GRK5: variants seen among roughly 807,000 people sequenced by gnomAD.
The protein encoded by GRK5 is g protein-coupled receptor kinase GRK5.
GRK5 carries 40 observed loss-of-function variants against 78.4 expected under a neutral mutation model. The observed-to-expected ratio is 0.51, with a 90% CI of 0.40 to 0.66. The LOEUF (loss-of-function observed/expected upper bound fraction) is 0.66. Among genes scored for constraint, GRK5 ranks in the 30% least tolerant of loss-of-function variants. GRK5 has a pLI of 0.00. For missense variants in GRK5, 598 were observed against 759.9 expected, an observed-to-expected ratio of 0.79 and a Z score of 2.50; for synonymous variants, 289 against 296.8, an observed-to-expected ratio of 0.97 and a Z score of 0.27.
At chr10:119,252,197 G>A (rs562187449) in intron 1 of GRK5, among the ~76,000 whole-genome samples, 1 of 152,226 alleles carries the variant, frequency 6.6e-6, no homozygotes, top group Non-Finnish European at 1.5e-5. Context: ...GAAACCATCT[G>A]GGTGGGGTGA....
At position 119,256,485 on chromosome 10, in the gene GRK5, G is replaced by A. The variant is rs1464677063; in HGVS notation, c.52+48516G>A. Among the ~76,000 whole-genome samples the A allele has an allele frequency of 4.6e-5, 7 of 152,156 alleles. No homozygotes were observed. The East Asian group carries it at 1.3e-3, about 29-fold the overall frequency. On this transcript the variant is annotated intron_variant, in intron 1 of 15. Coordinates refer to ENST00000392870, the MANE Select transcript of GRK5 (RefSeq NM_005308.3). ...TAGGAAACTTGTTGGAGCTCACACA[G>A]CTGAGTAACAACCAGGCCCTGCTGC...
intron 1 of GRK5, among the ~76,000 whole-genome samples, chr10:119,320,168 G>T (rs527408211): frequency 6.6e-6 from 1 of 152,362 alleles, no homozygotes; most frequent in African/African-American, 2.4e-5. Context: ...GATTGGAGGG[G>T]CTGCCAGGTG....
At chr10:119,303,215 T>A (rs917010492) in intron 1 of GRK5, among the ~76,000 whole-genome samples, 1 of 152,188 alleles carries the variant, frequency 6.6e-6, no homozygotes, top group African/African-American at 2.4e-5. Context: ...CGAGATCATG[T>A]TATATCTGTA....
At position 119,459,715 on chromosome 10, in the gene GRK5, T is replaced by A. The variant is rs1414499043; in HGVS notation, c.*4648T>A. ...TAGATGGAGCCACTGTTGTTGTTTT[T>A]AAAAGAGAAATAAATTCCTTAATGG... On this transcript the variant is annotated 3_prime_UTR_variant, in exon 16 of 16. Transcript: ENST00000392870. The A allele has an allele frequency of 6.6e-6, 1 of 152,252 alleles. No homozygotes were observed. Among genetic ancestry groups the A allele is most frequent in the African/African-American group, 2.4e-5 (1 of 41,462 alleles). The allele number at this position is 152,252 out of a possible 1,614,324, so 9.4% of individuals were successfully genotyped here.
chr10:119,337,416 A>G (rs1305992999), intron 2 of GRK5, among the ~76,000 whole-genome samples: 1 of 152,168 alleles, frequency 6.6e-6, no homozygotes, highest in East Asian at 1.9e-4. Flanking sequence ...GGAGGCTGGA[A>G]GTCCAAGATC....
In GRK5 at chr10:119,237,690, G is replaced by C. The variant is rs547439240; in HGVS notation, c.52+29721G>C. Among the ~76,000 whole-genome samples, 193 of 152,286 alleles carry C rather than the reference G, an allele frequency of 1.3e-3. 1 individual carries two copies. Among genetic ancestry groups the C allele is most frequent in the African/African-American group, 4.4e-3 (184 of 41,546 alleles). ...CTTTCAACTTCAGGGAGCCGGAGAG[G>C]GGGAGGGAACTGAGGAGGGCAGGTC... On this transcript the variant is annotated intron_variant, in intron 1 of 15. Transcript: ENST00000392870.
chr10:119,321,002 A>G (rs763759594), intron 1 of GRK5, among the ~76,000 whole-genome samples: 1 of 152,262 alleles, frequency 6.6e-6, no homozygotes, highest in African/African-American at 2.4e-5. Context: ...ATCAAGTCCT[A>G]TGAAATAATA....
intron 1 of GRK5, among the ~76,000 whole-genome samples, chr10:119,319,819 C>G (rs1450812905): frequency 6.6e-6 from 1 of 152,240 alleles, no homozygotes; most frequent in African/African-American, 2.4e-5. Flanking sequence ...TCAGTACCTC[C>G]TGAATGAGGG....
At chr10:119,318,597 A>C (rs1041319425) in intron 1 of GRK5, among the ~76,000 whole-genome samples, 22 of 152,228 alleles carry the variant, frequency 1.4e-4, no homozygotes, top group African/African-American at 5.3e-4. Flanking sequence ...AGGTGATCAC[A>C]GGGCTCTGGG....
At chr10:119,227,604 C>T (rs1848762393) in intron 1 of GRK5, among the ~76,000 whole-genome samples, 1 of 152,022 alleles carries the variant, frequency 6.6e-6, no homozygotes, top group African/African-American at 2.4e-5. Context: ...AACAAACAAA[C>T]ATGGTAGCCT....
chr10:119,270,392 A>G (rs1019990102), intron 1 of GRK5, among the ~76,000 whole-genome samples: 1 of 152,238 alleles, frequency 6.6e-6, no homozygotes, highest in African/African-American at 2.4e-5. Flanking sequence ...TCCCTAAACA[A>G]TACGTTATAG....
At chr10:119,331,007 C>CT (rs763784978) in intron 2 of GRK5, among the ~76,000 whole-genome samples, 2 of 152,196 alleles carry the variant, frequency 1.3e-5, no homozygotes, top group South Asian at 4.1e-4. Flanking sequence ...AGGCATTGCC[C>CT]TGGGAGCACC....
intron 2 of GRK5, among the ~76,000 whole-genome samples, chr10:119,351,976 A>C (rs1361566405): frequency 2.0e-5 from 3 of 152,232 alleles, no homozygotes; most frequent in African/African-American, 7.2e-5. Context: ...ATCAAATTAA[A>C]AAGTGATCCT....
At chr10:119,255,896 C>T (rs895409623) in intron 1 of GRK5, among the ~76,000 whole-genome samples, 1 of 152,192 alleles carries the variant, frequency 6.6e-6, no homozygotes, top group African/African-American at 2.4e-5. Context: ...GCCCAGGGAA[C>T]AACCACTTGA....
At chr10:119,436,590 G>T in intron 8 of GRK5, 61 bp from the exon 9 acceptor site, 1 of 1,516,462 alleles carries the variant, frequency 6.6e-7, no homozygotes, top group Non-Finnish European at 9.1e-7. Flanking sequence ...TCCTGAGGAG[G>T]GAAGTGGAAG....
At chr10:119,392,854 A>G (rs1310791499) in intron 3 of GRK5, among the ~76,000 whole-genome samples, 1 of 152,246 alleles carries the variant, frequency 6.6e-6, no homozygotes, top group African/African-American at 2.4e-5. Flanking sequence ...CTTTTCATTG[A>G]AATCATTGGC....
At chr10:119,313,030 C>CTGGTGGCTGTGGTG (rs1850397225) in intron 1 of GRK5, among the ~76,000 whole-genome samples, 1 of 3,202 alleles carries the variant, frequency 3.1e-4, no homozygotes, top group African/African-American at 1.0e-3. Context: ...GTGGTAATGG[C>CTGGTGGCTGTGGTG]AGTGGTGATG....
chr10:119,239,444 C>T (rs1221226760), intron 1 of GRK5, among the ~76,000 whole-genome samples: 2 of 152,094 alleles, frequency 1.3e-5, no homozygotes, highest in African/African-American at 4.8e-5. Context: ...GCCGTGTTGC[C>T]AGGCTGGTCT....
chr10:119,447,317 G>A (rs914265696), intron 12 of GRK5, among the ~76,000 whole-genome samples: 1 of 151,976 alleles, frequency 6.6e-6, no homozygotes, highest in African/African-American at 2.4e-5. Flanking sequence ...TGAAAATCCC[G>A]CCACCTGACC....
Sources: allele counts gnomAD v4.1 joint callset (sites outside exome capture counted in the v4.1 genomes callset), GRCh38; gene constraint gnomAD v4.1.1; transcripts MANE v1.5; gene names NCBI Gene and HGNC (gene_info 2026-07-23, HGNC 2026-07-21).